XIRP2: variants seen among roughly 807,000 people sequenced by gnomAD.
XIRP2 encodes the protein xin actin binding repeat containing 2, also known as xin actin-binding repeat-containing protein 2.
Under a neutral mutation model 277.0 loss-of-function variants are expected in XIRP2, and 236 were observed. The observed-to-expected ratio is 0.85, with a 90% CI of 0.77 to 0.95. The LOEUF is 0.95. Ranked by LOEUF, XIRP2 falls within the 40% of genes least tolerant of loss-of-function variation. The pLI, the probability that XIRP2 is intolerant of heterozygous loss-of-function variation, is 0.00. For synonymous variants in XIRP2, 1,490 were observed against 1,416.5 expected, an observed-to-expected ratio of 1.05 and a Z score of -1.17; for missense variants, 4,640 against 4,157.5, an observed-to-expected ratio of 1.12 and a Z score of -3.19.
intron 3 of XIRP2, among the ~76,000 whole-genome samples, chr2:167,181,807 C>G (rs1035840996): frequency 2.0e-5 from 3 of 152,132 alleles, no homozygotes; most frequent in Admixed American, 2.0e-4. Context: ...GGAGCCAGAT[C>G]ATTAGAAATC....
At position 166,985,421 on chromosome 2, in the gene XIRP2, T is replaced by C. The variant is rs549236410; in HGVS notation, c.408+81531T>C. 1.2e-4 allele frequency among the ~76,000 whole-genome samples: 19 copies of C among 152,134 alleles called. No individual in the cohort carries two copies. In the East Asian group the frequency reaches 2.9e-3, roughly 23 times the overall value. The stretch of plus-strand genomic sequence containing the variant: ...GTCCATAATTACTACAATATCTTAA[T>C]CTAAAAATCTTTTCTTTCTTTTTTT... On this transcript the variant is annotated intron_variant, in intron 2 of 10. Transcript: ENST00000409195.
rs754083421 is a variant in XIRP2, at chr2:167,250,783, C to T, written c.9391C>T (p.Arg3131Ter). Reference sequence around the variant, plus strand: ...TTTTATCACAATAGAATCTACTGCCCGACGAACAGAAAACCCTACTAAGAA... The same window carrying T: ...TTTTATCACAATAGAATCTACTGCCTGACGAACAGAAAACCCTACTAAGAA... ...PTFITIESTA[R>*]RTENPTKNEL... The change falls in exon 9 of 11, where the codon CGA (arginine) becomes TGA (stop). Residue 3131 changes from arginine (R) to a stop codon, truncating the protein, a stop_gained. Coordinates refer to ENST00000409195, the MANE Select transcript of XIRP2 (RefSeq NM_152381.6). LOFTEE classifies it high-confidence loss of function. The T allele has an allele frequency of 5.0e-6, 8 of 1,613,374 alleles. No individual in the cohort carries two copies. Among genetic ancestry groups the T allele is most frequent in the Middle Eastern group, 1.6e-4 (1 of 6,078 alleles).
intron 2 of XIRP2, among the ~76,000 whole-genome samples, chr2:166,915,536 CT>C (rs1227334466): frequency 6.6e-6 from 1 of 152,046 alleles, no homozygotes; most frequent in Non-Finnish European, 1.5e-5. Flanking sequence ...GTTCATCCTT[CT>C]TCTTTGAAGC....
At chr2:167,214,741 A>AT (rs1559024488) in intron 4 of XIRP2, among the ~76,000 whole-genome samples, 4 of 151,412 alleles carry the variant, frequency 2.6e-5, no homozygotes, top group South Asian at 2.1e-4. Flanking sequence ...TAATTTTTGT[A>AT]TTTTTTTAGT....
intron 2 of XIRP2, among the ~76,000 whole-genome samples, chr2:167,104,048 C>T (rs1247834022): frequency 6.6e-6 from 1 of 152,062 alleles, no homozygotes; most frequent in African/African-American, 2.4e-5. Context: ...AGTATTCACT[C>T]AGGTTTTGTA....
chr2:166,964,686 C>T (rs542835278), intron 2 of XIRP2, among the ~76,000 whole-genome samples: 13 of 151,948 alleles, frequency 8.6e-5, no homozygotes, highest in Admixed American at 5.9e-4. Flanking sequence ...TCTTTGGTTA[C>T]CTCGAATTTT....
chr2:167,099,127 T>C (rs1193968380), intron 2 of XIRP2, among the ~76,000 whole-genome samples: 1 of 152,206 alleles, frequency 6.6e-6, no homozygotes, highest in African/African-American at 2.4e-5. Flanking sequence ...TCCCAGGTGC[T>C]CTGTTCCAGG....
At chr2:166,975,100 A>G (rs1686675942) in intron 2 of XIRP2, among the ~76,000 whole-genome samples, 1 of 152,138 alleles carries the variant, frequency 6.6e-6, no homozygotes, top group African/African-American at 2.4e-5. Flanking sequence ...CATAAATAAG[A>G]CACAAAAATT....
intron 2 of XIRP2, among the ~76,000 whole-genome samples, chr2:167,037,488 G>C (rs1294000074): frequency 1.3e-5 from 2 of 150,950 alleles, no homozygotes; most frequent in African/African-American, 4.9e-5. Context: ...TATTGAGTGG[G>C]TTTTTGGCTT....
rs370582789 is a variant in XIRP2, at chr2:167,063,402, T to C, written c.409-72507T>C. ...TTCTGGTTTCGAAAGGAATGCACTGTAAATATCAATTTAGTAAGTGGGTTA... is the reference window on the plus strand; with the variant it reads ...TTCTGGTTTCGAAAGGAATGCACTGCAAATATCAATTTAGTAAGTGGGTTA... On this transcript the variant is annotated intron_variant, in intron 2 of 10. Transcript: ENST00000409195. Among the ~76,000 whole-genome samples the C allele has an allele frequency of 2.9e-4, 44 of 152,120 alleles. 1 individual carries two copies. The Middle Eastern group carries it at 0.014, about 47-fold the overall frequency.
intron 2 of XIRP2, among the ~76,000 whole-genome samples, chr2:167,090,724 C>T: frequency 6.6e-6 from 1 of 151,984 alleles, no homozygotes; most frequent in Non-Finnish European, 1.5e-5. Context: ...AGAAAGAAAC[C>T]TTAGGGGTGT....
At chr2:166,911,682 T>A (rs923101721) in intron 2 of XIRP2, among the ~76,000 whole-genome samples, 5 of 152,222 alleles carry the variant, frequency 3.3e-5, no homozygotes, top group African/African-American at 1.2e-4. Context: ...TGCTCATTAG[T>A]TGATGCGGTT....
At chr2:167,163,483 A>G (rs1320076309) in intron 3 of XIRP2, among the ~76,000 whole-genome samples, 1 of 152,178 alleles carries the variant, frequency 6.6e-6, no homozygotes, top group Non-Finnish European at 1.5e-5. Flanking sequence ...CTATTCAACT[A>G]CTTGCCCATT....
At chr2:166,957,510 A>T (rs991020437) in intron 2 of XIRP2, among the ~76,000 whole-genome samples, 4 of 151,820 alleles carry the variant, frequency 2.6e-5, no homozygotes, top group Admixed American at 2.0e-4. Flanking sequence ...ACCAATAATT[A>T]TCTCTATTTT....
chr2:167,019,795 G>T (rs1248456739), intron 2 of XIRP2, among the ~76,000 whole-genome samples: 7 of 151,956 alleles, frequency 4.6e-5, no homozygotes, highest in Admixed American at 1.3e-4. Context: ...CTCTTCGAGG[G>T]TTATAAATTC....
intron 2 of XIRP2, among the ~76,000 whole-genome samples, chr2:167,002,170 C>G (rs1574150528): frequency 6.6e-6 from 1 of 151,998 alleles, no homozygotes; most frequent in African/African-American, 2.4e-5. Context: ...AACTATACAA[C>G]AATATCATTT....
At chr2:167,241,393 T>C (rs1371144468) in intron 7 of XIRP2, among the ~76,000 whole-genome samples, 1 of 152,230 alleles carries the variant, frequency 6.6e-6, no homozygotes, top group Non-Finnish European at 1.5e-5. Flanking sequence ...AAGTAGAACA[T>C]ACTTGTAGAA....
chr2:167,056,243 G>A (rs188723264), intron 2 of XIRP2, among the ~76,000 whole-genome samples: 155 of 152,180 alleles, frequency 1.0e-3, no homozygotes, highest in African/African-American at 3.6e-3. Context: ...GGAAAATAGG[G>A]CATTTTTCTC....
At chr2:167,006,747 T>C (rs1687513876) in intron 2 of XIRP2, among the ~76,000 whole-genome samples, 1 of 151,722 alleles carries the variant, frequency 6.6e-6, no homozygotes, top group Admixed American at 6.6e-5. Context: ...ATTGAAAACA[T>C]TGTTAAAATC....
Sources: gnomAD v4.1 joint callset for allele counts (sites outside exome capture counted in the v4.1 genomes callset) on GRCh38, gnomAD v4.1.1 for gene constraint, MANE v1.5 for transcripts, NCBI Gene and HGNC (gene_info 2026-07-23, HGNC 2026-07-21) for gene names.